SPARCL1: variants seen among roughly 807,000 people sequenced by gnomAD.
SPARCL1 encodes SPARC-like protein 1.
A neutral mutation model predicts 67.1 loss-of-function variants in SPARCL1; 52 were observed. The ratio of observed to expected loss-of-function variants is 0.78; its 90% CI spans 0.62 to 0.98. SPARCL1 has a LOEUF of 0.98. Ranked by LOEUF, SPARCL1 falls within the 50% of genes least tolerant of loss-of-function variation. The pLI is 0.00. For missense variants in SPARCL1, 717 were observed against 782.4 expected (o/e 0.92, Z 1.00); for synonymous variants, 226 against 267.8 (o/e 0.84, Z 1.52).
intron 1 of SPARCL1, among the ~76,000 whole-genome samples, chr4:87,520,069 A>G (rs979836773): frequency 9.2e-5 from 14 of 151,966 alleles, no homozygotes; most frequent in African/African-American, 3.1e-4. Flanking sequence ...GTGAAACCTC[A>G]TCTCTACTAA....
At chr4:87,476,232 C>T (rs1376189452) in intron 10 of SPARCL1, among the ~76,000 whole-genome samples, 1 of 152,216 alleles carries the variant, frequency 6.6e-6, no homozygotes, top group Admixed American at 6.5e-5. Context: ...AGGCATTGCA[C>T]TTCTCTTTTC....
At chr4:87,519,376 T>A (rs113227073) in intron 1 of SPARCL1, among the ~76,000 whole-genome samples, 4,642 of 152,270 alleles carry the variant, frequency 0.03, 124 homozygotes, top group African/African-American at 0.059. Context: ...CCGGCCTGGG[T>A]CCCTATCATA....
rs1334939163 is a variant in SPARCL1, at chr4:87,529,289, T to C, written c.-256A>G. 2 of 152,020 alleles carry C rather than the reference T, an allele frequency of 1.3e-5. No homozygotes were observed. The highest frequency in any genetic ancestry group is 4.8e-5 in the African/African-American group (2 of 41,362). 9.4% of individuals were successfully genotyped at this position (152,020 alleles called of 1,614,324 possible). On this transcript the variant is annotated 5_prime_UTR_variant, in exon 1 of 11. It adds an upstream start codon to the 5' untranslated region. Transcript: ENST00000282470. ...GAATTTGGAGGTTGGCACCAGAGAG[T>C]ATTTCAGACTGTCATCGTTTTTGTT...
At chr4:87,505,992 G>T (rs1394798049) in intron 1 of SPARCL1, among the ~76,000 whole-genome samples, 1 of 152,008 alleles carries the variant, frequency 6.6e-6, no homozygotes, top group Non-Finnish European at 1.5e-5. Context: ...TCTTTGTTGT[G>T]GGGGGCTGTC....
chr4:87,506,767 TCTCTATCTATCTATC>T (rs775900726), intron 1 of SPARCL1, among the ~76,000 whole-genome samples: 2,229 of 91,372 alleles, frequency 0.024, 20 homozygotes, highest in East Asian at 0.079. Flanking sequence ...ATTATCTATA[TCTCTATCTATCTATC>T]ATCTATCTAT....
chr4:87,489,595 G>A (rs1237062108), intron 7 of SPARCL1, among the ~76,000 whole-genome samples: 2 of 152,182 alleles, frequency 1.3e-5, no homozygotes, highest in Non-Finnish European at 2.9e-5. Context: ...GAGAGTTTGT[G>A]GTGGCAAAGG....
chr4:87,499,806 G>A (rs1724773575), intron 1 of SPARCL1, among the ~76,000 whole-genome samples: 2 of 152,068 alleles, frequency 1.3e-5, no homozygotes, highest in Admixed American at 1.3e-4. Context: ...GGCCATGTTC[G>A]GCAGAACCTA....
intron 1 of SPARCL1, among the ~76,000 whole-genome samples, chr4:87,524,122 T>G (rs1725937348): frequency 6.6e-6 from 1 of 152,236 alleles, no homozygotes; most frequent in Non-Finnish European, 1.5e-5. Context: ...CTGGAGGAAC[T>G]GAAACAGAAA....
intron 1 of SPARCL1, among the ~76,000 whole-genome samples, chr4:87,505,852 C>G (rs1263296297): frequency 6.6e-6 from 1 of 151,884 alleles, no homozygotes; most frequent in Non-Finnish European, 1.5e-5. Context: ...AGCCACTGTG[C>G]CTAGCCTTAT....
chr4:87,478,274 T>A (rs755606282), intron 10 of SPARCL1, among the ~76,000 whole-genome samples: 5 of 152,168 alleles, frequency 3.3e-5, no homozygotes, highest in Non-Finnish European at 7.3e-5. Flanking sequence ...AAAAATGGTA[T>A]GTATTTATCA....
chr4:87,481,822 C>T (rs1669748010), intron 8 of SPARCL1, among the ~76,000 whole-genome samples: 1 of 152,128 alleles, frequency 6.6e-6, no homozygotes, highest in Admixed American at 6.5e-5. Context: ...CATACACACA[C>T]ACATATATAC....
rs760864477 is a variant in SPARCL1 at position 87,494,138 on chromosome 4, T to C, written c.662A>G (p.Lys221Arg). The change falls in exon 4 of 11, where the codon AAG becomes AGG. Residue 221 changes from lysine (K) to arginine (R), a missense_variant. By Grantham distance (26) the Lys-to-Arg change is conservative. Coordinates refer to ENST00000282470, the MANE Select transcript of SPARCL1 (RefSeq NM_004684.6). ...AGCATGCTCCCTGGGCAATTCTGTC[T>C]TTCTTTCTTGGTTATCATTGTGGGT... Reference protein sequence around the residue: ...VGTHNDNQERKTELPREHANS... With the variant: ...VGTHNDNQERRTELPREHANS... 12 of 1,613,658 alleles carry C rather than the reference T, an allele frequency of 7.4e-6. No homozygotes were observed. The highest frequency in any genetic ancestry group is 1.0e-5 in the Non-Finnish European group (12 of 1,180,030).
chr4:87,474,989 G>A (rs913114159), intron 10 of SPARCL1, among the ~76,000 whole-genome samples: 17 of 152,120 alleles, frequency 1.1e-4, no homozygotes, highest in African/African-American at 3.6e-4. Flanking sequence ...TGATCCGCCT[G>A]CCTCAGCCTC....
intron 1 of SPARCL1, among the ~76,000 whole-genome samples, chr4:87,521,553 C>CA (rs1453187359): frequency 6.6e-6 from 1 of 152,214 alleles, no homozygotes; most frequent in Non-Finnish European, 1.5e-5. Context: ...CTGAACCCTC[C>CA]AGTGGTTAGC....
chr4:87,484,528 C>G (rs1723971575), intron 7 of SPARCL1, among the ~76,000 whole-genome samples: 1 of 152,112 alleles, frequency 6.6e-6, no homozygotes, highest in South Asian at 2.1e-4. Context: ...ATGCCTCCAG[C>G]TTTGTTGTTT....
At chr4:87,507,495 G>T (rs1481579920) in intron 1 of SPARCL1, among the ~76,000 whole-genome samples, 2 of 152,046 alleles carry the variant, frequency 1.3e-5, no homozygotes, top group Non-Finnish European at 2.9e-5. Context: ...ACTAGACACT[G>T]CCTAAGCACA....
intron 1 of SPARCL1, among the ~76,000 whole-genome samples, chr4:87,508,854 GATAA>G (rs1332345802): frequency 2.2e-5 from 3 of 135,954 alleles, no homozygotes; most frequent in East Asian, 4.3e-4. Context: ...TACGTATATA[GATAA>G]ATATATACAT....
chr4:87,482,670 G>A (rs1723881653), intron 7 of SPARCL1, 110 bp from the exon 8 acceptor site: 4 of 1,231,148 alleles, frequency 3.2e-6, no homozygotes, highest in Non-Finnish European at 4.6e-6. Context: ...GCTTTCTCAG[G>A]TCCCCATTAT....
intron 10 of SPARCL1, among the ~76,000 whole-genome samples, 198 bp from the exon 11 acceptor site, chr4:87,474,001 T>G (rs1723459180): frequency 6.6e-6 from 1 of 152,168 alleles, no homozygotes; most frequent in South Asian, 2.1e-4. Context: ...GACTCTAGAA[T>G]CAGAATCCCT....
Sources: allele counts gnomAD v4.1 joint callset (sites outside exome capture counted in the v4.1 genomes callset), GRCh38; gene constraint gnomAD v4.1.1; transcripts MANE v1.5; gene names NCBI Gene and HGNC (gene_info 2026-07-23, HGNC 2026-07-21).